The following SAFB variants were observed in gnomAD, a reference collection of about 807,000 sequenced individuals.
SAFB encodes the protein scaffold attachment factor B.
SAFB carries 15 observed loss-of-function variants against 101.6 expected under a neutral mutation model. The ratio of observed to expected loss-of-function variants is 0.15; its 90% CI spans 0.10 to 0.23. The LOEUF is 0.23. SAFB is among the 10% of genes least tolerant of loss of function. SAFB has a pLI of 1.00. For synonymous variants in SAFB, 449 were observed against 407.5 expected (o/e 1.10, Z -1.23); for missense variants, 930 against 1,104.1 (o/e 0.84, Z 2.23).
chr19:5,657,288 C>T lies in SAFB; in HGVS notation c.1803C>T (p.Ser601=), dbSNP rs151067758. ...DRKSASREKR[S]VVSFDKVKEP... is the part of the protein sequence containing the mutation. ...AATCAGCCAGCAGAGAGAAGCGGTC[C>T]GTCGTGTCCTTTGATAAGGTCAAGG... The change falls in exon 14 of 21, where the codon TCC becomes TCT. Residue 601 remains serine, a synonymous_variant. Transcript: ENST00000588852. 796 of 1,613,988 alleles carry T rather than the reference C, an allele frequency of 4.9e-4. No individual in the cohort carries two copies. The highest frequency in any genetic ancestry group is 6.3e-4 in the Non-Finnish European group (740 of 1,179,942).
chr19:5,641,717 G>T, intron 3 of SAFB, 23 bp from the exon 4 acceptor site: 1 of 1,613,738 alleles, frequency 6.2e-7, no homozygotes, highest in Admixed American at 1.7e-5. Context: ...GTCACATGAT[G>T]GTTCGGTCTG....
intron 14 of SAFB, among the ~76,000 whole-genome samples, chr19:5,658,864 G>A (rs187548089): frequency 3.1e-5 from 4 of 130,726 alleles, no homozygotes; most frequent in Non-Finnish European, 4.9e-5. Context: ...GGGGGTCGGG[G>A]GGCCGGGCGC....
intron 2 of SAFB, among the ~76,000 whole-genome samples, chr19:5,632,778 C>G (rs1049215580): frequency 3.9e-5 from 6 of 152,116 alleles, no homozygotes; most frequent in Non-Finnish European, 8.8e-5. Flanking sequence ...TGCCCTGTTA[C>G]CCAGGCCAGA....
Position 5,668,166 on chromosome 19 carries a change from G to T in SAFB, c.2629G>T (p.Gly877Cys). 6.2e-7 allele frequency: 1 copy of T among 1,606,530 alleles called. No individual in the cohort carries two copies. Residue 877 changes from glycine to cysteine, a missense_variant, in exon 21 of 21, where the codon GGC becomes TGC. Physicochemically the swap from Gly to Cys is radical, Grantham distance 159. Coordinates refer to ENST00000588852, the MANE Select transcript of SAFB (RefSeq NM_001201338.2). ...MMNRGGMSGR[G>C]SFAPGGASRG... ...CCAATGTGAATTTGTTCCTAGGCGC[G>T]GCAGCTTTGCCCCAGGCGGGGCCTC...
At chr19:5,625,522 A>G (rs752801218) in intron 1 of SAFB, among the ~76,000 whole-genome samples, 3 of 152,244 alleles carry the variant, frequency 2.0e-5, no homozygotes, top group Non-Finnish European at 4.4e-5. Context: ...GATAAAACAT[A>G]GTACATGAAA....
At chr19:5,634,476 A>G (rs1599325596) in intron 2 of SAFB, among the ~76,000 whole-genome samples, 1 of 152,224 alleles carries the variant, frequency 6.6e-6, no homozygotes, top group South Asian at 2.1e-4. Context: ...AGCTAGTTTA[A>G]TACTTTTTAT....
At chr19:5,627,428 A>G (rs1429928133) in intron 2 of SAFB, among the ~76,000 whole-genome samples, 1 of 152,216 alleles carries the variant, frequency 6.6e-6, no homozygotes, top group Non-Finnish European at 1.5e-5. Flanking sequence ...TCATGGCACC[A>G]CTGAACTCCA....
intron 2 of SAFB, among the ~76,000 whole-genome samples, chr19:5,627,980 G>A (rs748309022): frequency 3.2e-4 from 48 of 152,108 alleles, no homozygotes; most frequent in South Asian, 6.2e-4. Flanking sequence ...GCAGGGCGCC[G>A]TGGCTCACAC....
chr19:5,661,749 G>A lies in SAFB; in HGVS notation c.2094G>A (p.Gln698=), dbSNP rs754050481. 6.9e-6 allele frequency: 11 copies of A among 1,586,692 alleles called. No individual in the cohort carries two copies. The African/African-American group carries it at 1.5e-4, about 21-fold the overall frequency. The change falls in exon 15 of 21, where the codon CAG becomes CAA. Residue 698 remains glutamine (Q), a synonymous_variant. Transcript: ENST00000588852. ...HREREELRRQ[Q]ELRYEQERRP... ...AGCGCGAGGAGCTGAGGCGCCAGCA[G>A]GAACTGCGCTATGAGCAGGAGCGGC...
intron 4 of SAFB, 191 bp downstream of exon 4, chr19:5,642,137 GTACT>G: frequency 1.5e-6 from 1 of 670,190 alleles, no homozygotes; most frequent in Non-Finnish European, 2.7e-6. Context: ...CATTTCATAT[GTACT>G]TGCTATCCAT....
At chr19:5,649,760 C>A in intron 7 of SAFB, 166 bp from the exon 8 acceptor site, 1 of 803,326 alleles carries the variant, frequency 1.2e-6, no homozygotes, top group Non-Finnish European at 2.0e-6. Flanking sequence ...TCCTGTGGGT[C>A]TGAAATCTTA....
At position 5,641,554 on chromosome 19, in the gene SAFB, G is replaced by A. The variant is rs370859188; in HGVS notation, c.275-40G>A. On this transcript the variant is annotated intron_variant, in intron 2 of 20. Coordinates refer to ENST00000588852, the MANE Select transcript of SAFB (RefSeq NM_001201338.2). ...GGGCATTGTTGCTTCTGTAAAGTGC[G>A]TATCATTTGATCTCATGCTGTAAAT... The A allele has an allele frequency of 1.1e-4, 164 of 1,559,898 alleles. No homozygotes were observed. In the African/African-American group the frequency reaches 1.7e-3, roughly 17 times the overall value.
chr19:5,668,435 T>G lies in SAFB; in HGVS notation c.*144T>G, dbSNP rs916946479. The G allele has an allele frequency of 5.5e-5, 44 of 802,488 alleles. No homozygotes were observed. The Middle Eastern group carries it at 2.3e-3, about 42-fold the overall frequency. The allele number at this position is 802,488 out of a possible 1,614,324, so 49.7% of individuals were successfully genotyped here. ...GTGAATTTGTTTTTCGTTTTGGGGT[T>G]TTTTTTTTTTGTAATAAATGTGTTT... On this transcript the variant is annotated 3_prime_UTR_variant, in exon 21 of 21. Transcript: ENST00000588852.
chr19:5,650,650 A>AT (rs1273730718), intron 8 of SAFB, among the ~76,000 whole-genome samples: 1 of 152,134 alleles, frequency 6.6e-6, no homozygotes, highest in Non-Finnish European at 1.5e-5. Flanking sequence ...TGACCTCGTG[A>AT]TTCGCCCACC....
At chr19:5,661,931 C>G (rs947555241) in intron 15 of SAFB, 123 bp downstream of exon 15, 22 of 760,812 alleles carry the variant, frequency 2.9e-5, no homozygotes, top group Middle Eastern at 3.1e-4. Flanking sequence ...GTCGCGGAGG[C>G]TGGAGTGCAG....
At chr19:5,638,502 T>C (rs913267148) in intron 2 of SAFB, among the ~76,000 whole-genome samples, 6 of 151,848 alleles carry the variant, frequency 4.0e-5, no homozygotes, top group African/African-American at 1.5e-4. Flanking sequence ...TTTGTATTTT[T>C]AGTAGAGCTG....
In SAFB at chr19:5,667,473, G is replaced by T; in HGVS notation, c.2557+23G>T. The T allele has an allele frequency of 6.8e-7, 1 of 1,468,166 alleles. No individual in the cohort carries two copies. The highest frequency in any genetic ancestry group is 9.2e-7 in the Non-Finnish European group (1 of 1,092,618). The allele number at this position is 1,468,166 out of a possible 1,614,324, so 90.9% of individuals were successfully genotyped here. A position where few individuals can be genotyped will look rare whatever the true frequency, so the allele number is the denominator to read the frequency against. ...AAGGTGAGGAGCAGCTCTGGGCTGGGACCAGGATGTGCTGGGGAGTGATGG... is the reference window on the plus strand; with the variant it reads ...AAGGTGAGGAGCAGCTCTGGGCTGGTACCAGGATGTGCTGGGGAGTGATGG... On this transcript the variant is annotated intron_variant, in intron 19 of 20. Transcript: ENST00000588852. This position sits in a 1 kb window ranked among gnomAD's most constrained non-coding sequence, Gnocchi z 4.0.
At position 5,626,400 on chromosome 19, in the gene SAFB, T is replaced by A. The variant is rs182928993; in HGVS notation, c.190-5T>A. On this transcript the variant is annotated splice_polypyrimidine_tract_variant and splice_region_variant and intron_variant, in intron 1 of 20. Transcript: ENST00000588852. ...GGATCAACTTTACTTTTCCCTTCTT[T>A]TTAGGCAATTGAAGATGAAGGTGGT... 6.3e-7 allele frequency: 1 copy of A among 1,577,580 alleles called. No homozygotes were observed. Among genetic ancestry groups the A allele is most frequent in the Non-Finnish European group, 8.7e-7 (1 of 1,147,072 alleles).
intron 14 of SAFB, among the ~76,000 whole-genome samples, chr19:5,659,828 G>A (rs2054154867): frequency 6.6e-6 from 1 of 152,178 alleles, no homozygotes. Flanking sequence ...AAACACTAGA[G>A]TGTTCCAGAC....
Sources: allele counts gnomAD v4.1 joint callset (sites outside exome capture counted in the v4.1 genomes callset), GRCh38; gene constraint gnomAD v4.1.1; non-coding constraint Gnocchi (gnomAD v3.1); transcripts MANE v1.5; gene names NCBI Gene and HGNC (gene_info 2026-07-23, HGNC 2026-07-21).